NCOA7: variants seen among roughly 807,000 people sequenced by gnomAD.
NCOA7 encodes 140 kDa estrogen receptor-associated protein.
NCOA7 carries 45 observed loss-of-function variants against 104.3 expected under a neutral mutation model. The observed-to-expected ratio is 0.43, with a 90% CI of 0.34 to 0.55. The LOEUF (loss-of-function observed/expected upper bound fraction) is 0.55. Ranked by LOEUF, NCOA7 falls within the 20% of genes least tolerant of loss-of-function variation. The pLI, the probability that NCOA7 is intolerant of heterozygous loss-of-function variation, is 0.02. For synonymous variants in NCOA7, 398 were observed against 402.3 expected (o/e 0.99, Z 0.13); for missense variants, 1,041 against 1,119.7 (o/e 0.93, Z 1.00).
chr6:125,868,555 C>T lies in NCOA7; in HGVS notation c.272-6334C>T, dbSNP rs567300105. On this transcript the variant is annotated intron_variant, in intron 3 of 15. Coordinates refer to ENST00000392477, the MANE Select transcript of NCOA7 (RefSeq NM_181782.5). ...TAGTTAAACCCAGCTCATTTTGACC[C>T]CTAAACCAACCTGTGATCAGAAAGG... Among the ~76,000 whole-genome samples the T allele has an allele frequency of 9.2e-5, 14 of 152,284 alleles. 1 individual carries two copies. The highest frequency in any genetic ancestry group is 5.2e-4 in the Admixed American group (8 of 15,292).
At chr6:125,890,500 A>G (rs950544178) in intron 9 of NCOA7, 142 bp from the exon 10 acceptor site, 26 of 778,720 alleles carry the variant, frequency 3.3e-5, no homozygotes, top group Non-Finnish European at 3.6e-5. Flanking sequence ...TGAAAAATTT[A>G]TTAGTCCTGA....
intron 2 of NCOA7, among the ~76,000 whole-genome samples, chr6:125,847,318 A>G (rs964103288): frequency 4.6e-5 from 7 of 152,216 alleles, no homozygotes; most frequent in African/African-American, 9.6e-5. Flanking sequence ...TGTGTTGTCC[A>G]ATAGAGTAAC....
chr6:125,829,003 G>A (rs928940739), intron 2 of NCOA7, among the ~76,000 whole-genome samples: 2 of 151,974 alleles, frequency 1.3e-5, no homozygotes, highest in Non-Finnish European at 2.9e-5. Context: ...TACCTCCATA[G>A]TGCCCTTTAA....
chr6:125,807,176 A>G (rs1776545063), intron 1 of NCOA7, among the ~76,000 whole-genome samples: 1 of 152,188 alleles, frequency 6.6e-6, no homozygotes, highest in Non-Finnish European at 1.5e-5. Flanking sequence ...ATCAAGCCTA[A>G]ATCATCTATT....
chr6:125,849,435 T>G (rs1305901395), intron 2 of NCOA7, among the ~76,000 whole-genome samples: 1 of 152,240 alleles, frequency 6.6e-6, no homozygotes, highest in Non-Finnish European at 1.5e-5. Flanking sequence ...CTTCTGCCCT[T>G]GGGGAAGCCC....
At chr6:125,868,411 A>G (rs1423192146) in intron 3 of NCOA7, among the ~76,000 whole-genome samples, 1 of 152,250 alleles carries the variant, frequency 6.6e-6, no homozygotes, top group Non-Finnish European at 1.5e-5. Context: ...AGGCTCTGAG[A>G]TGAACACTGT....
At chr6:125,912,311 T>C (rs920071100) in intron 10 of NCOA7, among the ~76,000 whole-genome samples, 1 of 152,236 alleles carries the variant, frequency 6.6e-6, no homozygotes, top group Non-Finnish European at 1.5e-5. Context: ...GCCTAATGGC[T>C]TCCTAATGAT....
upstream of NCOA7, chr6:125,785,990 A>G (rs561057353): frequency 6.6e-6 from 1 of 152,220 alleles, no homozygotes; most frequent in Non-Finnish European, 1.5e-5. Context: ...AACACTGAAC[A>G]TAGGTCTATC....
At chr6:125,791,464 A>G (rs1023664473) in intron 1 of NCOA7, among the ~76,000 whole-genome samples, 11 of 152,326 alleles carry the variant, frequency 7.2e-5, no homozygotes, top group Non-Finnish European at 1.5e-4. Context: ...CCATCTTTCT[A>G]GCCAAAACAT....
intron 1 of NCOA7, among the ~76,000 whole-genome samples, chr6:125,814,816 C>T (rs1309700452): frequency 1.3e-5 from 2 of 151,718 alleles, no homozygotes; most frequent in African/African-American, 2.4e-5. Context: ...GGCATGTTTC[C>T]GAAAATAAAA....
intron 3 of NCOA7, among the ~76,000 whole-genome samples, chr6:125,872,589 T>A (rs540834940): frequency 1.3e-5 from 2 of 152,314 alleles, no homozygotes; most frequent in African/African-American, 4.8e-5. Flanking sequence ...AAAGGAACTA[T>A]GGGAAGAATT....
chr6:125,822,883 C>A (rs750948343), intron 2 of NCOA7, among the ~76,000 whole-genome samples: 1 of 149,466 alleles, frequency 6.7e-6, no homozygotes, highest in Non-Finnish European at 1.5e-5. Flanking sequence ...TGCAGTGACC[C>A]GAGATTGCTC....
chr6:125,878,268 A>G lies in NCOA7; in HGVS notation c.357A>G (p.Gly119=), dbSNP rs1185220673. The change falls in exon 5 of 16, where the codon GGA becomes GGG. Residue 119 remains glycine, a synonymous_variant. Transcript: ENST00000392477. ...TACCTGTTTGATTATTCTAGGCTGGAAACCAGGACACCCTAAACTCCATAG... is the reference window on the plus strand; with the variant it reads ...TACCTGTTTGATTATTCTAGGCTGGGAACCAGGACACCCTAAACTCCATAG... The part of the protein sequence containing the change: ...KPHGTMEYTA[G]NQDTLNSIAL... 2 of 1,607,140 alleles carry G rather than the reference A, an allele frequency of 1.2e-6. No individual in the cohort carries two copies. Among genetic ancestry groups the G allele is most frequent in the South Asian group, 2.2e-5 (2 of 89,140 alleles).
chr6:125,881,797 TG>T (rs544154264), intron 6 of NCOA7, among the ~76,000 whole-genome samples: 126 of 151,560 alleles, frequency 8.3e-4, no homozygotes, highest in African/African-American at 2.8e-3. Context: ...AATTGAGTCA[TG>T]AGTCTAATAT....
chr6:125,852,418 A>G (rs1781205756), intron 2 of NCOA7, among the ~76,000 whole-genome samples: 1 of 152,042 alleles, frequency 6.6e-6, no homozygotes, highest in South Asian at 2.1e-4. Context: ...CTGGTCTCGA[A>G]CTCTAGACCT....
intron 10 of NCOA7, among the ~76,000 whole-genome samples, chr6:125,905,705 T>C (rs1290204419): frequency 6.6e-6 from 1 of 152,210 alleles, no homozygotes; most frequent in African/African-American, 2.4e-5. Context: ...GCCAGCCCAG[T>C]TGTCAACAAT....
Position 125,860,145 on chromosome 6 carries a change from G to A in NCOA7, c.271+4905G>A, listed in dbSNP as rs141818974. Among the ~76,000 whole-genome samples, 32 of 152,156 alleles carry A rather than the reference G, an allele frequency of 2.1e-4. No homozygotes were observed. The East Asian group carries it at 6.0e-3, about 28-fold the overall frequency. Reference sequence around the variant, plus strand: ...TCATTTGTGTTTACTAATATATAAAGTACTCCTTTTTCATTTATTCTGTTT... The same window carrying A: ...TCATTTGTGTTTACTAATATATAAAATACTCCTTTTTCATTTATTCTGTTT... On this transcript the variant is annotated intron_variant, in intron 3 of 15. Coordinates refer to ENST00000392477, the MANE Select transcript of NCOA7 (RefSeq NM_181782.5).
chr6:125,850,770 GT>G (rs1294412780), intron 2 of NCOA7, among the ~76,000 whole-genome samples: 1 of 152,194 alleles, frequency 6.6e-6, no homozygotes, highest in Non-Finnish European at 1.5e-5. Context: ...TCCCAAACAT[GT>G]TTTTGATCAG....
At chr6:125,875,150 A>C in intron 4 of NCOA7, 182 bp downstream of exon 4, 2 of 507,486 alleles carry the variant, frequency 3.9e-6, no homozygotes, top group East Asian at 3.1e-5. Flanking sequence ...GTCAATCTCA[A>C]ATAAACCAGT....
Sources: gnomAD v4.1 joint callset for allele counts (sites outside exome capture counted in the v4.1 genomes callset) on GRCh38, gnomAD v4.1.1 for gene constraint, MANE v1.5 for transcripts, NCBI Gene and HGNC (gene_info 2026-07-23, HGNC 2026-07-21) for gene names.